The following AKAP6 variants were observed in gnomAD, a reference collection of about 807,000 sequenced individuals.
AKAP6 encodes A-kinase anchor protein 6.
Under a neutral mutation model 188.5 loss-of-function variants are expected in AKAP6, and 58 were observed. That is an observed-to-expected ratio of 0.31 (90% CI 0.25 to 0.38). AKAP6 has a LOEUF of 0.38. Ranked by LOEUF, AKAP6 falls within the 10% of genes least tolerant of loss-of-function variation. The pLI is 1.00. For missense variants in AKAP6, 2,710 were observed against 2,740.0 expected, an observed-to-expected ratio of 0.99 and a Z score of 0.24; for synonymous variants, 989 against 998.6, an observed-to-expected ratio of 0.99 and a Z score of 0.18.
intron 2 of AKAP6, among the ~76,000 whole-genome samples, chr14:32,506,437 C>G (rs1470817135): frequency 6.6e-6 from 1 of 152,060 alleles, no homozygotes; most frequent in African/African-American, 2.4e-5. Context: ...GAGGAAGGGA[C>G]AGGGAACAGT....
chr14:32,397,377 C>CT (rs60314050), intron 1 of AKAP6, among the ~76,000 whole-genome samples: 17,782 of 130,298 alleles, frequency 0.14, 1,622 homozygotes, highest in East Asian at 0.29. Context: ...TTTTTATTGT[C>CT]TTTTTTTTTT....
chr14:32,766,511 C>T (rs1398085132), intron 11 of AKAP6, among the ~76,000 whole-genome samples: 6 of 152,134 alleles, frequency 3.9e-5, no homozygotes, highest in Admixed American at 6.5e-5. Context: ...TCCTTGTTAA[C>T]ACTTGTTATT....
chr14:32,680,331 C>T (rs1372987955), intron 8 of AKAP6, among the ~76,000 whole-genome samples: 3 of 152,186 alleles, frequency 2.0e-5, no homozygotes, highest in African/African-American at 7.2e-5. Context: ...TTGAGAAATG[C>T]ATGTGAGTGA....
chr14:32,632,444 A>C (rs142048068), intron 7 of AKAP6, among the ~76,000 whole-genome samples: 1 of 152,232 alleles, frequency 6.6e-6, no homozygotes, highest in Non-Finnish European at 1.5e-5. Flanking sequence ...GGCTTCTCCT[A>C]TAAAATATTT....
chr14:32,385,009 G>A (rs1888482694), intron 1 of AKAP6: 1 of 151,992 alleles, frequency 6.6e-6, no homozygotes, highest in Non-Finnish European at 1.5e-5. Context: ...TGGCATTAGG[G>A]AGATCTGCAA....
intron 4 of AKAP6, among the ~76,000 whole-genome samples, chr14:32,569,336 C>T (rs1328551509): frequency 6.6e-6 from 1 of 152,162 alleles, no homozygotes; most frequent in Non-Finnish European, 1.5e-5. Flanking sequence ...TTTTTGGTGG[C>T]ATCACAGTCA....
chr14:32,351,968 G>C (rs932060561), intron 1 of AKAP6, among the ~76,000 whole-genome samples: 5 of 151,894 alleles, frequency 3.3e-5, no homozygotes, highest in African/African-American at 1.2e-4. Flanking sequence ...ATTTGAACTT[G>C]GGTTTGTCTC....
At chr14:32,825,048 C>G (rs995146746) in intron 13 of AKAP6, among the ~76,000 whole-genome samples, 4 of 151,770 alleles carry the variant, frequency 2.6e-5, no homozygotes, top group African/African-American at 9.7e-5. Context: ...ATAATTCTGG[C>G]AAGAATACAA....
At chr14:32,786,474 A>ATTATT (rs1222520748) in intron 12 of AKAP6, among the ~76,000 whole-genome samples, 3 of 102,454 alleles carry the variant, frequency 2.9e-5, no homozygotes, top group African/African-American at 6.0e-5. Flanking sequence ...CGCCCGGCTA[A>ATTATT]TTATTTTATT....
At chr14:32,789,132 A>AACCT (rs142129967) in intron 12 of AKAP6, among the ~76,000 whole-genome samples, 14,082 of 152,150 alleles carry the variant, frequency 0.093, 777 homozygotes, top group South Asian at 0.27. Flanking sequence ...CTTTAAGCGG[A>AACCT]ACCTAGATCC....
At chr14:32,746,427 G>T (rs1157823195) in intron 11 of AKAP6, among the ~76,000 whole-genome samples, 1 of 152,132 alleles carries the variant, frequency 6.6e-6, no homozygotes, top group Non-Finnish European at 1.5e-5. Flanking sequence ...AAGGTAGTGG[G>T]TTTCCTTCTG....
At chr14:32,347,606 T>C (rs1208088972) in intron 1 of AKAP6, among the ~76,000 whole-genome samples, 2 of 152,242 alleles carry the variant, frequency 1.3e-5, no homozygotes, top group African/African-American at 4.8e-5. Context: ...GCTTATGATC[T>C]ATGATTTGCC....
chr14:32,448,524 G>A (rs1390504215), intron 2 of AKAP6, among the ~76,000 whole-genome samples: 1 of 152,184 alleles, frequency 6.6e-6, no homozygotes, highest in Non-Finnish European at 1.5e-5. Context: ...TACAAAGAGG[G>A]TAATTTACTT....
intron 1 of AKAP6, among the ~76,000 whole-genome samples, chr14:32,337,543 T>C (rs1886745591): frequency 6.6e-6 from 1 of 152,330 alleles, no homozygotes; most frequent in South Asian, 2.1e-4. Context: ...TAGTAATAAA[T>C]AATTGATAAC....
intron 12 of AKAP6, among the ~76,000 whole-genome samples, chr14:32,797,959 A>G (rs2033824412): frequency 6.6e-6 from 1 of 151,896 alleles, no homozygotes; most frequent in African/African-American, 2.4e-5. Flanking sequence ...AGAGCAAACA[A>G]CCTACAGAAT....
At chr14:32,495,700 T>G (rs1880281859) in intron 2 of AKAP6, among the ~76,000 whole-genome samples, 1 of 152,218 alleles carries the variant, frequency 6.6e-6, no homozygotes, top group Admixed American at 6.5e-5. Flanking sequence ...CTCTTTTCTG[T>G]TTTATTTTCC....
At chr14:32,579,608 A>G (rs1055023715) in intron 5 of AKAP6, among the ~76,000 whole-genome samples, 2 of 152,096 alleles carry the variant, frequency 1.3e-5, no homozygotes, top group Non-Finnish European at 2.9e-5. Context: ...CTACTGTTAC[A>G]CTGGATGCTG....
At chr14:32,753,850 G>T (rs2032231787) in intron 11 of AKAP6, among the ~76,000 whole-genome samples, 1 of 151,766 alleles carries the variant, frequency 6.6e-6, no homozygotes, top group Non-Finnish European at 1.5e-5. Flanking sequence ...ATTTATTTTG[G>T]GGCTCTCTCT....
Position 32,736,613 on chromosome 14 carries a change from G to T in AKAP6, c.3372+731G>T, listed in dbSNP as rs113361372. 7.3e-4 allele frequency among the ~76,000 whole-genome samples: 111 copies of T among 152,234 alleles called. 1 individual carries two copies. The highest frequency in any genetic ancestry group is 3.4e-3 in the Middle Eastern group (1 of 294). Reference sequence around the variant, plus strand: ...GCTAGTGCTGGCCTGAGGCTTTGGGGTTGCAGAATTTGAATTTGGTGGCAA... The same window carrying T: ...GCTAGTGCTGGCCTGAGGCTTTGGGTTTGCAGAATTTGAATTTGGTGGCAA... On this transcript the variant is annotated intron_variant, in intron 11 of 13. Coordinates refer to ENST00000280979, the MANE Select transcript of AKAP6 (RefSeq NM_004274.5).
Sources: allele counts gnomAD v4.1 joint callset (sites outside exome capture counted in the v4.1 genomes callset), GRCh38; gene constraint gnomAD v4.1.1; transcripts MANE v1.5; gene names NCBI Gene and HGNC (gene_info 2026-07-23, HGNC 2026-07-21).